Variants in CDC5L observed in about 807,000 individuals in gnomAD.
The protein encoded by CDC5L is cell division cycle 5-like protein.
CDC5L carries 18 observed loss-of-function variants against 104.1 expected under a neutral mutation model. That is an observed-to-expected ratio of 0.17 (90% CI 0.12 to 0.26). The LOEUF (loss-of-function observed/expected upper bound fraction) is 0.26. CDC5L is among the 10% of genes least tolerant of loss of function. The pLI is 1.00. For synonymous variants in CDC5L, 331 were observed against 322.7 expected (o/e 1.03, Z -0.28); for missense variants, 673 against 956.9 (o/e 0.70, Z 3.91).
chr6:44,430,284 CGAG>C (rs1488735452), intron 14 of CDC5L, among the ~76,000 whole-genome samples: 3 of 151,484 alleles, frequency 2.0e-5, no homozygotes, highest in African/African-American at 4.9e-5. Context: ...TCAGCAGTAA[CGAG>C]GAGTTTTCTT....
intron 8 of CDC5L, among the ~76,000 whole-genome samples, chr6:44,411,834 T>C (rs1791657798): frequency 6.6e-6 from 1 of 152,166 alleles, no homozygotes; most frequent in Non-Finnish European, 1.5e-5. Flanking sequence ...TCAGAAGCTT[T>C]AAAAACAATA....
chr6:44,412,036 A>G (rs1791665741), intron 8 of CDC5L, among the ~76,000 whole-genome samples: 1 of 152,220 alleles, frequency 6.6e-6, no homozygotes. Context: ...CTTAAACTGT[A>G]TAGACCTGTT....
chr6:44,392,635 G>A, intron 2 of CDC5L, 32 bp from the exon 3 acceptor site: 5 of 1,589,944 alleles, frequency 3.1e-6, no homozygotes, highest in Non-Finnish European at 4.3e-6. Flanking sequence ...CCAGGTAACT[G>A]ATTAATATAT....
chr6:44,409,788 C>T (rs1182277952), intron 8 of CDC5L, among the ~76,000 whole-genome samples: 2 of 152,110 alleles, frequency 1.3e-5, no homozygotes, highest in Non-Finnish European at 2.9e-5. Flanking sequence ...TTTTGATTTC[C>T]CTTCACTGTC....
chr6:44,412,308 CTT>C lies in CDC5L; in HGVS notation c.1092+3688_1092+3689del, dbSNP rs36108951. On this transcript the variant is annotated intron_variant, in intron 8 of 15. Transcript: ENST00000371477. ...ACAGATAGGAATAACCTGTCCCCCACTTTTTTTTTTTTTCAGACAGGGTCTCA... is the reference window on the plus strand; with the variant it reads ...ACAGATAGGAATAACCTGTCCCCCACTTTTTTTTTTTCAGACAGGGTCTCA... Among the ~76,000 whole-genome samples the C allele has an allele frequency of 4.0e-3, 584 of 145,670 alleles. 3 individuals are homozygous for C. Among genetic ancestry groups the C allele is most frequent in the African/African-American group, 0.013 (501 of 39,854 alleles).
At chr6:44,393,652 A>C in intron 4 of CDC5L, 79 bp downstream of exon 4, 2 of 1,397,832 alleles carry the variant, frequency 1.4e-6, no homozygotes, top group Admixed American at 2.2e-5. Context: ...TCCTTTCTGA[A>C]CTCCTCTACT....
chr6:44,435,031 A>G (rs961868448), intron 14 of CDC5L, among the ~76,000 whole-genome samples: 12 of 151,974 alleles, frequency 7.9e-5, no homozygotes, highest in Admixed American at 5.2e-4. Flanking sequence ...AAAGGAACCT[A>G]CTATCCAGAC....
chr6:44,438,035 C>T (rs530775500), intron 14 of CDC5L, among the ~76,000 whole-genome samples: 108 of 152,262 alleles, frequency 7.1e-4, no homozygotes, highest in African/African-American at 2.5e-3. Context: ...CTGCTGCCTC[C>T]AACCTCTCAG....
intron 1 of CDC5L, among the ~76,000 whole-genome samples, chr6:44,388,675 C>CTTTTTTTTTTTTTTT (rs975766196): frequency 7.6e-6 from 1 of 131,038 alleles, no homozygotes; most frequent in Admixed American, 7.6e-5. Flanking sequence ...TTTATGGCTT[C>CTTTTTTTTTTTTTTT]TTTTTTTTTT....
At chr6:44,425,529 TCA>T (rs199553118) in intron 11 of CDC5L, among the ~76,000 whole-genome samples, 1 of 148,510 alleles carries the variant, frequency 6.7e-6, no homozygotes, top group East Asian at 2.8e-4. Context: ...ACCTTGAATC[TCA>T]GGGGATTGGA....
At chr6:44,398,579 A>G (rs940720587) in intron 5 of CDC5L, among the ~76,000 whole-genome samples, 1 of 152,236 alleles carries the variant, frequency 6.6e-6, no homozygotes, top group Non-Finnish European at 1.5e-5. Flanking sequence ...TTACAAATCT[A>G]CCTTGTAACT....
At chr6:44,446,333 A>T (rs1428544444) in intron 15 of CDC5L, among the ~76,000 whole-genome samples, 1 of 152,244 alleles carries the variant, frequency 6.6e-6, no homozygotes, top group African/African-American at 2.4e-5. Flanking sequence ...GCTAAAGGGC[A>T]GTCAGGGCTT....
rs11571953 is a variant in CDC5L at position 44,406,680 on chromosome 6, G to A, written c.903+213G>A. Among the ~76,000 whole-genome samples, 958 of 152,310 alleles carry A rather than the reference G, an allele frequency of 6.3e-3. 14 individuals are homozygous for A. The highest frequency in any genetic ancestry group is 0.021 in the African/African-American group (893 of 41,556). ...TCAGCACTTTGGGAGACCAGGACGG[G>A]CGGATCACCTGAGGTCAGGAGTTCA... On this transcript the variant is annotated intron_variant, in intron 7 of 15. Coordinates refer to ENST00000371477, the MANE Select transcript of CDC5L (RefSeq NM_001253.4).
chr6:44,413,733 A>G (rs1245369425), intron 8 of CDC5L, among the ~76,000 whole-genome samples: 1 of 151,948 alleles, frequency 6.6e-6, no homozygotes. Flanking sequence ...ACAGGCATGC[A>G]CTACCAGGCC....
intron 5 of CDC5L, among the ~76,000 whole-genome samples, chr6:44,396,932 C>T (rs1243758328): frequency 1.3e-5 from 2 of 152,230 alleles, no homozygotes; most frequent in East Asian, 3.8e-4. Flanking sequence ...ATATGCCACC[C>T]TCCCAGCCAG....
chr6:44,408,322 G>A (rs972497663), intron 7 of CDC5L, 122 bp from the exon 8 acceptor site: 5 of 535,714 alleles, frequency 9.3e-6, no homozygotes, highest in African/African-American at 7.9e-5. Flanking sequence ...GGTAGGTCCC[G>A]AACTCCTGGG....
chr6:44,424,622 A>G, intron 11 of CDC5L, 39 bp downstream of exon 11: 1 of 1,598,340 alleles, frequency 6.3e-7, no homozygotes, highest in South Asian at 1.1e-5. Flanking sequence ...GTTTGGCTGA[A>G]TGTGTCAGTA....
At chr6:44,423,502 G>C (rs1024475973) in intron 10 of CDC5L, among the ~76,000 whole-genome samples, 2 of 152,190 alleles carry the variant, frequency 1.3e-5, no homozygotes, top group African/African-American at 4.8e-5. Context: ...AGTAAAACCA[G>C]TGTGCTTAGG....
chr6:44,395,081 TAG>T (rs1327879579), intron 4 of CDC5L, among the ~76,000 whole-genome samples: 1 of 152,118 alleles, frequency 6.6e-6, no homozygotes, highest in East Asian at 1.9e-4. Context: ...CTCATGGAGT[TAG>T]AATAGAGTGA....
Sources: gnomAD v4.1 joint callset for allele counts (sites outside exome capture counted in the v4.1 genomes callset) on GRCh38, gnomAD v4.1.1 for gene constraint, MANE v1.5 for transcripts, NCBI Gene and HGNC (gene_info 2026-07-23, HGNC 2026-07-21) for gene names.